Variants in ZNFX1 observed in about 807,000 individuals in gnomAD.
The protein encoded by ZNFX1 is NFX1-type zinc finger-containing protein 1.
Under a neutral mutation model 179.8 loss-of-function variants are expected in ZNFX1, and 78 were observed. The observed-to-expected ratio is 0.43, with a 90% CI of 0.36 to 0.52. ZNFX1 has a LOEUF of 0.52. Among genes scored for constraint, ZNFX1 ranks in the 20% least tolerant of loss-of-function variants. ZNFX1 has a pLI of 0.00. For synonymous variants in ZNFX1, 848 were observed against 868.5 expected (o/e 0.98, Z 0.42); for missense variants, 1,927 against 2,386.6 (o/e 0.81, Z 4.01).
intron 3 of ZNFX1, among the ~76,000 whole-genome samples, chr20:49,267,584 G>C (rs1377789443): frequency 6.6e-6 from 1 of 151,576 alleles, no homozygotes; most frequent in African/African-American, 2.4e-5. Context: ...TCCTTTCGGA[G>C]AGTAATTTAG....
chr20:49,254,012 G>A (rs1285034851), intron 10 of ZNFX1, among the ~76,000 whole-genome samples: 1 of 141,818 alleles, frequency 7.1e-6, no homozygotes, highest in East Asian at 2.0e-4. Flanking sequence ...AGGAGAAAGT[G>A]AGTGAATTTC....
rs1205625824 is a variant in ZNFX1, at chr20:49,251,533, C to T, written c.3306G>A (p.Lys1102=). 6.2e-7 allele frequency: 1 copy of T among 1,611,356 alleles called. No homozygotes were observed. Among genetic ancestry groups the T allele is most frequent in the South Asian group, 1.1e-5 (1 of 90,810 alleles). The change falls in exon 13 of 14, where the codon AAG becomes AAA. Residue 1102 remains lysine, a synonymous_variant. Coordinates refer to ENST00000396105, the MANE Select transcript of ZNFX1 (RefSeq NM_021035.3). ...ENHPSVLKYE[K]IKGVSSNLFF... Reference sequence around the variant, plus strand: ...TCGGGTAAGACAGACTCACCTTAATCTTCTCATACTTAAGAACAGATGGAT... The same window carrying T: ...TCGGGTAAGACAGACTCACCTTAATTTTCTCATACTTAAGAACAGATGGAT...
chr20:49,273,451 A>G (rs1379648262), intron 2 of ZNFX1, among the ~76,000 whole-genome samples: 1 of 152,206 alleles, frequency 6.6e-6, no homozygotes, highest in Non-Finnish European at 1.5e-5. Flanking sequence ...ATGTGACAAC[A>G]TAAAGGAATA....
At chr20:49,261,051 G>A (rs1286517373) in intron 6 of ZNFX1, among the ~76,000 whole-genome samples, 2 of 152,102 alleles carry the variant, frequency 1.3e-5, no homozygotes, top group African/African-American at 4.8e-5. Flanking sequence ...ACTACACTCC[G>A]GCCTGGGTGA....
rs1981381571 is a variant in ZNFX1 at position 49,271,193 on chromosome 20, C to T, written c.619G>A (p.Val207Ile). ...SKMDRQSVLH[V>I]LGILKNSKFL... Reference sequence around the variant, plus strand: ...TTGGAGTTTTTCAATATGCCCAGTACATGGAGAACACTCTGGCGATCCATT... The same window carrying T: ...TTGGAGTTTTTCAATATGCCCAGTATATGGAGAACACTCTGGCGATCCATT... The change falls in exon 3 of 14, where the codon GTA becomes ATA. Residue 207 changes from valine (V) to isoleucine (I), a missense_variant. Coordinates refer to ENST00000396105, the MANE Select transcript of ZNFX1 (RefSeq NM_021035.3). 2 of 1,614,146 alleles carry T rather than the reference C, an allele frequency of 1.2e-6. No individual in the cohort carries two copies. The highest frequency in any genetic ancestry group is 1.7e-5 in the Admixed American group (1 of 60,018).
chr20:49,260,345 T>C, intron 7 of ZNFX1, 118 bp downstream of exon 7: 1 of 592,228 alleles, frequency 1.7e-6, no homozygotes, highest in Non-Finnish European at 2.8e-6. Flanking sequence ...CTATTTGTCT[T>C]TCTCTGATTG....
rs1328178282 is a variant in ZNFX1 at position 49,251,741 on chromosome 20, T to C, written c.3217-119A>G. On this transcript the variant is annotated intron_variant, in intron 12 of 13. Coordinates refer to ENST00000396105, the MANE Select transcript of ZNFX1 (RefSeq NM_021035.3). ...GGCCAGTTGTGATGGCTTGTATCTG[T>C]AATCCCATCACTTTGGGAAGCCAAG... 3 of 722,952 alleles carry C rather than the reference T, an allele frequency of 4.1e-6. No individual in the cohort carries two copies. The East Asian group carries it at 9.4e-5, about 23-fold the overall frequency. 44.8% of individuals were successfully genotyped at this position (722,952 alleles called of 1,614,324 possible). A position where few individuals can be genotyped will look rare whatever the true frequency, so the allele number is the denominator to read the frequency against.
chr20:49,248,835 G>A lies in ZNFX1; in HGVS notation c.4189C>T (p.Leu1397=), dbSNP rs238208. Residue 1397 remains leucine (L), a synonymous_variant, in exon 14 of 14, where the codon CTG becomes TTG. Coordinates refer to ENST00000396105, the MANE Select transcript of ZNFX1 (RefSeq NM_021035.3). This position sits in a 1 kb window ranked among gnomAD's most constrained non-coding sequence, Gnocchi z 4.6. ...TTTATGGTGACCATTTCTGAACACA[G>A]CTGCACACAGTCCTCACCACATGGG... The part of the protein sequence containing the change: ...SHPCGEDCVQ[L]CSEMVTIKLK... 0.82 allele frequency: 1,329,789 copies of A among 1,614,170 alleles called. 550,819 individuals are homozygous for A. The highest frequency in any genetic ancestry group is 0.92 in the African/African-American group (69,233 of 75,048).
rs1980871708 is a variant in ZNFX1 at position 49,252,710 on chromosome 20, A to G, written c.3216+10T>C. The G allele has an allele frequency of 2.5e-6, 4 of 1,611,284 alleles. No homozygotes were observed. The highest frequency in any genetic ancestry group is 3.4e-6 in the Non-Finnish European group (4 of 1,177,566). On this transcript the variant is annotated intron_variant, in intron 12 of 13. Coordinates refer to ENST00000396105, the MANE Select transcript of ZNFX1 (RefSeq NM_021035.3). ...GGGCATTTGGTAACAACAGAGGCCC[A>G]GCTTCTCACCTGGTAATTCAGACGG...
In ZNFX1 at chr20:49,248,475, G is replaced by A. The variant is rs377375503; in HGVS notation, c.4549C>T (p.Arg1517Cys). The A allele has an allele frequency of 3.8e-5, 62 of 1,611,652 alleles. No individual in the cohort carries two copies. In the Middle Eastern group the frequency reaches 8.2e-4, roughly 21 times the overall value. Residue 1517 changes from arginine (R) to cysteine (C), a missense_variant, in exon 14 of 14, where the codon CGC becomes TGC. By Grantham distance (180) the Arg-to-Cys change is radical. Coordinates refer to ENST00000396105, the MANE Select transcript of ZNFX1 (RefSeq NM_021035.3). This position sits in a 1 kb window ranked among gnomAD's most constrained non-coding sequence, Gnocchi z 4.6. ...TTGGTGCACTGGTAGTGCTGGCAGC[G>A]CCAGACACAGGGTTCCACGCAGGGA... ...CSPCVEPCVW[R>C]CQHYQCTKLC...
chr20:49,271,544 C>T lies in ZNFX1; in HGVS notation c.268G>A (p.Asp90Asn), dbSNP rs201771392. Residue 90 changes from aspartate to asparagine, a missense_variant, in exon 3 of 14, where the codon GAC becomes AAC. Physicochemically the swap from Asp to Asn is conservative, Grantham distance 23 (BLOSUM62 1). Transcript: ENST00000396105. ...GRRNQEGHAS[D>N]EARDQRHDQE... ...TCATGTCTTTGGTCTCTAGCTTCGT[C>T]GCTGGCATGCCCCTCCTGGTTCCTC... 3.0e-5 allele frequency: 48 copies of T among 1,614,020 alleles called. No individual in the cohort carries two copies. The highest frequency in any genetic ancestry group is 3.3e-4 in the Middle Eastern group (2 of 6,084).
chr20:49,253,851 G>A, intron 10 of ZNFX1, 40 bp from the exon 11 acceptor site: 2 of 1,609,756 alleles, frequency 1.2e-6, no homozygotes, highest in Non-Finnish European at 8.5e-7. Context: ...TCTGAGCTGA[G>A]GCACAGGACC....
At position 49,248,117 on chromosome 20, in the gene ZNFX1, A is replaced by G; in HGVS notation, c.4907T>C (p.Ile1636Thr). The G allele has an allele frequency of 1.2e-6, 2 of 1,614,120 alleles. No homozygotes were observed. The highest frequency in any genetic ancestry group is 2.2e-5 in the South Asian group (2 of 91,076). The part of the protein sequence containing the change: ...IRKNLRYGTS[I>T]KQRLEEIEII... ...TTCAATCTCTTCTAGCCGCTGTTTT[A>G]TGCTAGTTCCATACCTCAGGTTTTT... is the stretch of plus-strand genomic sequence containing the variant. Residue 1636 changes from isoleucine (I) to threonine (T), a missense_variant, in exon 14 of 14, where the codon ATA (isoleucine) becomes ACA (threonine). By Grantham distance (89) the Ile-to-Thr change is moderately conservative (BLOSUM62 -1). Transcript: ENST00000396105. This position sits in a 1 kb window ranked among gnomAD's most constrained non-coding sequence, Gnocchi z 4.6.
Position 49,246,228 on chromosome 20 carries a change from G to T in ZNFX1, c.*1039C>A, listed in dbSNP as rs1477492548. ...TTTTAGCTCCATTCAGGGCCCAGGGGTAACCAGCAGTGCCACCAAACCTGT... is the reference window on the plus strand; with the variant it reads ...TTTTAGCTCCATTCAGGGCCCAGGGTTAACCAGCAGTGCCACCAAACCTGT... On this transcript the variant is annotated 3_prime_UTR_variant, in exon 14 of 14. Transcript: ENST00000396105. 6.6e-6 allele frequency: 1 copy of T among 152,302 alleles called. No individual in the cohort carries two copies. Among genetic ancestry groups the T allele is most frequent in the East Asian group, 1.9e-4 (1 of 5,180 alleles). 9.4% of individuals were successfully genotyped at this position (152,302 alleles called of 1,614,324 possible).
chr20:49,260,819 G>A (rs1459185022), intron 6 of ZNFX1, among the ~76,000 whole-genome samples: 3 of 152,096 alleles, frequency 2.0e-5, no homozygotes, highest in Non-Finnish European at 4.4e-5. Context: ...GGTGGCTTGC[G>A]CCTGTAATCC....
intron 2 of ZNFX1, among the ~76,000 whole-genome samples, chr20:49,275,312 A>G (rs898212409): frequency 6.6e-6 from 1 of 151,926 alleles, no homozygotes; most frequent in South Asian, 2.1e-4. Flanking sequence ...AGAGTAATTC[A>G]TGAAGTAATT....
Position 49,266,356 on chromosome 20 carries a change from T to A in ZNFX1, c.1871-90A>T, listed in dbSNP as rs238178. The A allele has an allele frequency of 0.75, 923,745 of 1,231,814 alleles. 350,265 individuals carry two copies. The highest frequency in any genetic ancestry group is 0.78 in the Non-Finnish European group (705,332 of 903,498). 76.3% of individuals were successfully genotyped at this position (1,231,814 alleles called of 1,614,324 possible). On this transcript the variant is annotated intron_variant, in intron 3 of 13. Transcript: ENST00000396105. Reference sequence around the variant, plus strand: ...GCAAAATCTTTTTTTAAATTTAATATAATACATTAAGATAGTTTAAAATCT... The same window carrying A: ...GCAAAATCTTTTTTTAAATTTAATAAAATACATTAAGATAGTTTAAAATCT...
chr20:49,263,310 T>A lies in ZNFX1; in HGVS notation c.2301+24A>T, dbSNP rs200280630. The A allele has an allele frequency of 9.3e-6, 15 of 1,610,138 alleles. No homozygotes were observed. The East Asian group carries it at 3.1e-4, about 34-fold the overall frequency. On this transcript the variant is annotated intron_variant, in intron 6 of 13. Transcript: ENST00000396105. ...AAAGTACTGAGGCCAGAGACATATTTGTGTCCCCCAGGATGACCCCTACCT... is the reference window on the plus strand; with the variant it reads ...AAAGTACTGAGGCCAGAGACATATTAGTGTCCCCCAGGATGACCCCTACCT...
At chr20:49,267,613 T>C (rs955048223) in intron 3 of ZNFX1, among the ~76,000 whole-genome samples, 4 of 152,152 alleles carry the variant, frequency 2.6e-5, no homozygotes, top group Admixed American at 2.6e-4. Flanking sequence ...ATTTTAACTG[T>C]TAATGTAAAT....
Sources: allele counts gnomAD v4.1 joint callset (sites outside exome capture counted in the v4.1 genomes callset), GRCh38; gene constraint gnomAD v4.1.1; non-coding constraint Gnocchi (gnomAD v3.1); transcripts MANE v1.5; gene names NCBI Gene and HGNC (gene_info 2026-07-23, HGNC 2026-07-21).